Variants in IMPA2 observed in about 807,000 individuals in gnomAD.
IMPA2 encodes IMP 2.
Under a neutral mutation model 35.1 loss-of-function variants are expected in IMPA2, and 32 were observed. The observed-to-expected ratio is 0.91, with a 90% CI of 0.69 to 1.23. The LOEUF (loss-of-function observed/expected upper bound fraction) is 1.23, where lower values mean the gene tolerates loss of function less well. IMPA2 is among the 50% of genes most tolerant of loss of function. The pLI is 0.00. For synonymous variants in IMPA2, 135 were observed against 160.6 expected, an observed-to-expected ratio of 0.84 and a Z score of 1.20; for missense variants, 334 against 387.6, an observed-to-expected ratio of 0.86 and a Z score of 1.16.
chr18:12,010,065 C>T lies in IMPA2; in HGVS notation c.335+78C>T. On this transcript the variant is annotated intron_variant, in intron 3 of 7. Transcript: ENST00000269159. The surrounding 1 kb of genome is among the most constrained non-coding windows in gnomAD (Gnocchi z 4.8). ...TGAGGTTTTGTCTTTTCAAAAGCAG[C>T]ATTTTTTAAGGCAGGAATATATAAA... The T allele has an allele frequency of 1.8e-6, 2 of 1,106,948 alleles. No individual in the cohort carries two copies. The highest frequency in any genetic ancestry group is 3.5e-5 in the Admixed American group (2 of 56,488). The allele number at this position is 1,106,948 out of a possible 1,614,324, so 68.6% of individuals were successfully genotyped here.
At chr18:11,982,363 CTT>C (rs953427622) in intron 1 of IMPA2, among the ~76,000 whole-genome samples, 1 of 152,214 alleles carries the variant, frequency 6.6e-6, no homozygotes, top group African/African-American at 2.4e-5. Flanking sequence ...CCTCTCTTCT[CTT>C]TTTCATTTTT....
At chr18:11,982,816 T>A (rs1344028210) in intron 1 of IMPA2, among the ~76,000 whole-genome samples, 1 of 151,502 alleles carries the variant, frequency 6.6e-6, no homozygotes. Context: ...AAAAAGTGAT[T>A]GTTTTCGGGG....
intron 5 of IMPA2, among the ~76,000 whole-genome samples, chr18:12,022,527 G>GAA (rs373259122): frequency 0.017 from 151 of 9,036 alleles, 6 homozygotes; most frequent in African/African-American, 0.03. Context: ...ATCTCAAAAA[G>GAA]AATATATATA....
intron 5 of IMPA2, among the ~76,000 whole-genome samples, chr18:12,026,428 C>CAAAA (rs1341273802): frequency 6.6e-6 from 1 of 152,216 alleles, no homozygotes; most frequent in African/African-American, 2.4e-5. Flanking sequence ...GATTAGCCAA[C>CAAAA]AAAATTCTGC....
At chr18:12,012,350 G>A (rs757384063) in intron 4 of IMPA2, 135 bp downstream of exon 4, 2 of 753,970 alleles carry the variant, frequency 2.7e-6, no homozygotes, top group Non-Finnish European at 4.5e-6. Flanking sequence ...ATCCAAGCCT[G>A]TGGGTTTCAA....
intron 1 of IMPA2, among the ~76,000 whole-genome samples, chr18:11,982,003 G>A (rs1314336867): frequency 6.6e-6 from 1 of 152,260 alleles, no homozygotes; most frequent in Non-Finnish European, 1.5e-5. Context: ...GGAGTTCAGC[G>A]GCTAACGTGA....
At chr18:12,014,220 C>T (rs571310224) in intron 4 of IMPA2, 45 bp from the exon 5 acceptor site, 17 of 1,357,182 alleles carry the variant, frequency 1.3e-5, no homozygotes, top group Middle Eastern at 1.8e-4. Flanking sequence ...CCACATCAAA[C>T]GAGTGAACCA....
chr18:12,029,106 C>CTTTTTTTTT, intron 7 of IMPA2, 113 bp downstream of exon 7: 1 of 358,102 alleles, frequency 2.8e-6, no homozygotes, highest in Non-Finnish European at 4.6e-6. Context: ...CCCAGAGTTT[C>CTTTTTTTTT]TGTTTTTTTT....
chr18:12,013,733 A>G (rs574108684), intron 4 of IMPA2, among the ~76,000 whole-genome samples: 1 of 152,164 alleles, frequency 6.6e-6, no homozygotes, highest in Non-Finnish European at 1.5e-5. Context: ...GATGTGGGGC[A>G]GTCGGGCCAC....
At chr18:12,012,672 C>A (rs1325688826) in intron 4 of IMPA2, among the ~76,000 whole-genome samples, 1 of 152,192 alleles carries the variant, frequency 6.6e-6, no homozygotes, top group African/African-American at 2.4e-5. Flanking sequence ...TCCCATAGAC[C>A]TTCTGAACTA....
At position 12,027,343 on chromosome 18, in the gene IMPA2, G is replaced by C. The variant is rs1404564168; in HGVS notation, c.491-700G>C. ...TCGCCTGCTGTTACATAAACGGCAG[G>C]CCATGAATTCCAGGTGTCGGCACCC... is the stretch of plus-strand genomic sequence containing the variant. On this transcript the variant is annotated intron_variant, in intron 5 of 7. Transcript: ENST00000269159. 2.6e-5 allele frequency among the ~76,000 whole-genome samples: 4 copies of C among 152,302 alleles called. No homozygotes were observed. In the East Asian group the frequency reaches 7.7e-4, roughly 29 times the overall value.
At chr18:11,985,079 G>A (rs1568025008) in intron 1 of IMPA2, among the ~76,000 whole-genome samples, 1 of 149,476 alleles carries the variant, frequency 6.7e-6, no homozygotes, top group African/African-American at 2.5e-5. Flanking sequence ...GGGATGTGGA[G>A]GATGCAGTGG....
At chr18:12,017,480 A>C (rs553307345) in intron 5 of IMPA2, 2 of 228,070 alleles carry the variant, frequency 8.8e-6, no homozygotes, top group Non-Finnish European at 1.8e-5. Context: ...GTTTTTATGG[A>C]AAGTGGCCTC....
In IMPA2 at chr18:11,981,508, G is replaced by A. The variant is rs927185507; in HGVS notation, c.-162G>A. ...GCACGGCTCCCGCGGCCCGCTGGCT[G>A]CCCTTCCCGCCAGCGCAGGTGTGGG... On this transcript the variant is annotated 5_prime_UTR_variant, in exon 1 of 8. Transcript: ENST00000269159. 4 of 430,818 alleles carry A rather than the reference G, an allele frequency of 9.3e-6. No homozygotes were observed. The highest frequency in any genetic ancestry group is 1.5e-5 in the Non-Finnish European group (4 of 259,204). 26.7% of individuals were successfully genotyped at this position (430,818 alleles called of 1,614,324 possible).
intron 5 of IMPA2, among the ~76,000 whole-genome samples, chr18:12,027,427 A>T (rs1274048359): frequency 2.0e-5 from 3 of 152,190 alleles, no homozygotes; most frequent in African/African-American, 4.8e-5. Context: ...ATTATTTAAA[A>T]GTTGCTTTCT....
At position 12,022,782 on chromosome 18, in the gene IMPA2, CT is replaced by C. The variant is rs71172045; in HGVS notation, c.491-5249del. ...ATTCAGACCTCCTTTATACTCTGTT[CT>C]TTTTTTTTTTTGAGACAGCCAGTCT... On this transcript the variant is annotated intron_variant, in intron 5 of 7. Transcript: ENST00000269159. Among the ~76,000 whole-genome samples, 912 of 142,614 alleles carry C rather than the reference CT, an allele frequency of 6.4e-3. 10 individuals are homozygous for C. The highest frequency in any genetic ancestry group is 0.022 in the African/African-American group (842 of 38,952). 93.6% of individuals were successfully genotyped at this position (142,614 alleles called of 152,430 possible).
intron 2 of IMPA2, among the ~76,000 whole-genome samples, chr18:12,001,698 A>G (rs982987615): frequency 6.6e-6 from 1 of 152,216 alleles, no homozygotes; most frequent in African/African-American, 2.4e-5. Flanking sequence ...GCCAGACTCC[A>G]GAGTTCCTTG....
Position 12,020,308 on chromosome 18 carries a change from T to G in IMPA2, c.490+5935T>G, listed in dbSNP as rs540883964. Among the ~76,000 whole-genome samples, 12 of 151,128 alleles carry G rather than the reference T, an allele frequency of 7.9e-5. No homozygotes were observed. The East Asian group carries it at 2.2e-3, about 27-fold the overall frequency. On this transcript the variant is annotated intron_variant, in intron 5 of 7. Coordinates refer to ENST00000269159, the MANE Select transcript of IMPA2 (RefSeq NM_014214.3). ...TCCTGGGTTTAAGTGATTCTCCTGC[T>G]TCAGCCTCCCAAGTAGCTGGAATTA...
chr18:11,999,688 A>G (rs1907063792), intron 2 of IMPA2, among the ~76,000 whole-genome samples: 1 of 152,266 alleles, frequency 6.6e-6, no homozygotes, highest in South Asian at 2.1e-4. Flanking sequence ...CCCAGGCCAG[A>G]GGGCGCAGTG....
Sources: allele counts gnomAD v4.1 joint callset (sites outside exome capture counted in the v4.1 genomes callset), GRCh38; gene constraint gnomAD v4.1.1; non-coding constraint Gnocchi (gnomAD v3.1); transcripts MANE v1.5; gene names NCBI Gene and HGNC (gene_info 2026-07-23, HGNC 2026-07-21).